MXI1: variants seen among roughly 807,000 people sequenced by gnomAD.
MXI1 encodes the protein max-interacting protein 1.
In MXI1, 18 loss-of-function variants were observed where a neutral mutation model predicts 36.9. The observed-to-expected ratio is 0.49, with a 90% CI of 0.34 to 0.72. The LOEUF is 0.72. MXI1 is among the 30% of genes least tolerant of loss of function. MXI1 has a pLI of 0.01. For missense variants in MXI1, 304 were observed against 379.1 expected, an observed-to-expected ratio of 0.80 and a Z score of 1.64; for synonymous variants, 160 against 146.7, an observed-to-expected ratio of 1.09 and a Z score of -0.65.
chr10:110,226,126 G>A (rs1344887662), intron 1 of MXI1: 1 of 1,254,360 alleles, frequency 8.0e-7, no homozygotes, highest in East Asian at 3.3e-5. Context: ...GTTCCGGAAC[G>A]GCGCCCGGCC....
chr10:110,243,143 A>G (rs1855734879), intron 2 of MXI1, among the ~76,000 whole-genome samples: 1 of 151,888 alleles, frequency 6.6e-6, no homozygotes, highest in Admixed American at 6.6e-5. Context: ...AAACACTTTT[A>G]TGGTGATAAA....
In MXI1 at chr10:110,215,031, G is replaced by GTTTTTT. The variant is rs1310002307; in HGVS notation, c.274+6955_274+6960dup. 7.2e-3 allele frequency among the ~76,000 whole-genome samples: 705 copies of GTTTTTT among 98,016 alleles called. 54 individuals carry two copies. The highest frequency in any genetic ancestry group is 0.024 in the African/African-American group (443 of 18,492). 64.3% of individuals were successfully genotyped at this position (98,016 alleles called of 152,430 possible). A position where few individuals can be genotyped will look rare whatever the true frequency, so the allele number is the denominator to read the frequency against. ...CCATTTTTCTTTCTGCTCCACTTCAGTTTTTTTTTTTGTTTTTTTTTTTTT... is the reference window on the plus strand; with the variant it reads ...CCATTTTTCTTTCTGCTCCACTTCAGTTTTTTTTTTTTTTTTTGTTTTTTTTTTTTT... On this transcript the variant is annotated intron_variant, in intron 1 of 5. Transcript: ENST00000332674.
intron 3 of MXI1, among the ~76,000 whole-genome samples, chr10:110,248,828 T>C (rs77209644): frequency 0.013 from 1,908 of 152,262 alleles, 46 homozygotes; most frequent in African/African-American, 0.043. Flanking sequence ...TTTTCCAAGA[T>C]ATATTTGTTT....
intron 1 of MXI1, among the ~76,000 whole-genome samples, chr10:110,216,111 T>C (rs1854631055): frequency 6.6e-6 from 1 of 152,242 alleles, no homozygotes; most frequent in Non-Finnish European, 1.5e-5. Flanking sequence ...CCTTCTTTGC[T>C]TCCTCATCTT....
chr10:110,279,928 T>C lies in MXI1; in HGVS notation c.567T>C (p.Ala189=). ...CATCATTTCAGAAACTTGAAGAAGCTGAAAGAAAAAGCCAGCACCAGCTCG... is the reference window on the plus strand; with the variant it reads ...CATCATTTCAGAAACTTGAAGAAGCCGAAAGAAAAAGCCAGCACCAGCTCG... ...AKAHIKKLEE[A]ERKSQHQLEN... The change falls in exon 5 of 6, where the codon GCT becomes GCC. Residue 189 remains alanine (A), a synonymous_variant. Transcript: ENST00000332674. 1.2e-6 allele frequency: 2 copies of C among 1,605,390 alleles called. No homozygotes were observed. The highest frequency in any genetic ancestry group is 4.5e-5 in the East Asian group (2 of 44,810).
chr10:110,252,509 T>G (rs1342941320), intron 3 of MXI1, among the ~76,000 whole-genome samples: 4 of 152,148 alleles, frequency 2.6e-5, no homozygotes, highest in Non-Finnish European at 5.9e-5. Flanking sequence ...CATCATTATT[T>G]AGTTCTCAAC....
chr10:110,267,576 A>G (rs1487338738), intron 3 of MXI1, among the ~76,000 whole-genome samples: 3 of 152,236 alleles, frequency 2.0e-5, no homozygotes, highest in Admixed American at 6.5e-5. Context: ...AGCTGTGAAA[A>G]AAATCACTCT....
chr10:110,280,216 C>A, intron 5 of MXI1, 131 bp downstream of exon 5: 1 of 699,046 alleles, frequency 1.4e-6, no homozygotes, highest in Non-Finnish European at 2.1e-6. Flanking sequence ...TTTATGCAAT[C>A]ATAATATTGT....
intron 1 of MXI1, among the ~76,000 whole-genome samples, chr10:110,211,270 T>C (rs575371244): frequency 6.6e-6 from 1 of 152,164 alleles, no homozygotes; most frequent in Non-Finnish European, 1.5e-5. Context: ...CGACTGGACT[T>C]GACCTAGCTG....
At chr10:110,223,295 C>G (rs1014197627) in intron 1 of MXI1, among the ~76,000 whole-genome samples, 10 of 152,184 alleles carry the variant, frequency 6.6e-5, no homozygotes, top group Non-Finnish European at 1.0e-4. Flanking sequence ...AAGTTTACCT[C>G]CTATTGAGAA....
intron 1 of MXI1, among the ~76,000 whole-genome samples, chr10:110,223,773 A>T (rs879815186): frequency 6.6e-6 from 1 of 151,844 alleles, no homozygotes; most frequent in Non-Finnish European, 1.5e-5. Context: ...CCAGATCCAA[A>T]ACGACCTAGT....
intron 2 of MXI1, among the ~76,000 whole-genome samples, chr10:110,230,209 C>T (rs748937541): frequency 6.6e-5 from 10 of 152,214 alleles, no homozygotes; most frequent in South Asian, 6.2e-4. Context: ...ATTATGTTAC[C>T]GGTCATTAAT....
intron 3 of MXI1, among the ~76,000 whole-genome samples, chr10:110,253,797 G>A (rs896591126): frequency 1.3e-5 from 2 of 152,048 alleles, no homozygotes; most frequent in African/African-American, 4.8e-5. Flanking sequence ...TTACTAAGAT[G>A]CAAAGGGTAT....
intron 3 of MXI1, among the ~76,000 whole-genome samples, chr10:110,272,370 G>A (rs902495289): frequency 6.6e-6 from 1 of 152,114 alleles, no homozygotes; most frequent in Non-Finnish European, 1.5e-5. Flanking sequence ...TATGAAATTT[G>A]AAGTCTTCTT....
chr10:110,267,522 C>G (rs191184603), intron 3 of MXI1, among the ~76,000 whole-genome samples: 5 of 152,216 alleles, frequency 3.3e-5, no homozygotes, highest in Non-Finnish European at 5.9e-5. Flanking sequence ...TTATTCCAGC[C>G]TGATTCACAA....
At chr10:110,249,285 A>G (rs906205437) in intron 3 of MXI1, among the ~76,000 whole-genome samples, 5 of 152,168 alleles carry the variant, frequency 3.3e-5, no homozygotes, top group African/African-American at 7.2e-5. Flanking sequence ...GCCACTTTGT[A>G]TAACATATTC....
chr10:110,243,839 A>G (rs550505941), intron 2 of MXI1, among the ~76,000 whole-genome samples: 2 of 152,236 alleles, frequency 1.3e-5, no homozygotes, highest in Non-Finnish European at 2.9e-5. Flanking sequence ...GCACAGAGAA[A>G]TGAAGGGACT....
At chr10:110,231,710 A>G (rs1855271508) in intron 2 of MXI1, among the ~76,000 whole-genome samples, 1 of 152,298 alleles carries the variant, frequency 6.6e-6, no homozygotes, top group South Asian at 2.1e-4. Flanking sequence ...TGCAATAGCT[A>G]TCTGGCTTTT....
chr10:110,255,811 T>C (rs1200163181), intron 3 of MXI1, among the ~76,000 whole-genome samples: 1 of 152,100 alleles, frequency 6.6e-6, no homozygotes, highest in Non-Finnish European at 1.5e-5. Flanking sequence ...TTGCAGAAAT[T>C]GACAGCTGAT....
Sources: gnomAD v4.1 joint callset for allele counts (sites outside exome capture counted in the v4.1 genomes callset) on GRCh38, gnomAD v4.1.1 for gene constraint, MANE v1.5 for transcripts, NCBI Gene and HGNC (gene_info 2026-07-23, HGNC 2026-07-21) for gene names.